RNF214: variants seen among roughly 807,000 people sequenced by gnomAD.
RNF214 encodes the protein ring finger protein 214.
In RNF214, 25 loss-of-function variants were observed where a neutral mutation model predicts 75.9. The observed-to-expected ratio is 0.33, with a 90% CI of 0.24 to 0.46. RNF214 has a LOEUF of 0.46. RNF214 is among the 20% of genes least tolerant of loss of function. The probability of loss-of-function intolerance (pLI) is 1.00; values close to 1 mark genes in which losing one functional copy is unlikely to be tolerated. For missense variants in RNF214, 725 were observed against 857.5 expected (o/e 0.85, Z 1.93); for synonymous variants, 314 against 308.8 (o/e 1.02, Z -0.18).
chr11:117,276,119 C>T (rs1206677045), intron 6 of RNF214, among the ~76,000 whole-genome samples: 1 of 152,060 alleles, frequency 6.6e-6, no homozygotes, highest in Non-Finnish European at 1.5e-5. Context: ...ACCACATAAA[C>T]CGAATTAAAA....
intron 6 of RNF214, among the ~76,000 whole-genome samples, chr11:117,264,693 T>C (rs1044892869): frequency 9.2e-5 from 14 of 152,186 alleles, no homozygotes; most frequent in Admixed American, 6.5e-4. Flanking sequence ...ATTTGTCTTA[T>C]ACTTACTTTT....
At chr11:117,251,370 G>T (rs1489344376) in intron 6 of RNF214, among the ~76,000 whole-genome samples, 4 of 142,888 alleles carry the variant, frequency 2.8e-5, no homozygotes, top group Admixed American at 6.8e-5. Context: ...GCGGCTGGCC[G>T]GGCGGGGGGC....
chr11:117,281,781 A>T (rs1338019468), intron 10 of RNF214, 83 bp downstream of exon 10: 2 of 1,507,862 alleles, frequency 1.3e-6, no homozygotes, highest in East Asian at 4.5e-5. Context: ...TTTTATGAAG[A>T]TATTGGGACC....
At chr11:117,257,873 A>C (rs2134386286) in intron 6 of RNF214, among the ~76,000 whole-genome samples, 1 of 152,296 alleles carries the variant, frequency 6.6e-6, no homozygotes, top group East Asian at 1.9e-4. Flanking sequence ...TCAGTAATCA[A>C]CTGGGATTTT....
At chr11:117,266,580 G>A (rs1046211633) in intron 6 of RNF214, among the ~76,000 whole-genome samples, 1 of 151,914 alleles carries the variant, frequency 6.6e-6, no homozygotes, top group Non-Finnish European at 1.5e-5. Context: ...GGCTGGTCTC[G>A]AATTCCTGGG....
intron 2 of RNF214, among the ~76,000 whole-genome samples, chr11:117,235,399 T>C (rs1198529249): frequency 6.6e-6 from 1 of 151,988 alleles, no homozygotes; most frequent in Non-Finnish European, 1.5e-5. Context: ...GGTTTCACTG[T>C]GTTAGCCAGG....
chr11:117,233,629 C>G (rs193253886), intron 1 of RNF214, among the ~76,000 whole-genome samples: 76 of 152,302 alleles, frequency 5.0e-4, no homozygotes, highest in African/African-American at 1.5e-3. Context: ...TTTACCTTGA[C>G]TTTTTCACGC....
rs565693313 is a variant in RNF214, at chr11:117,286,182, G to A, written c.*1031G>A. 1.3e-5 allele frequency: 2 copies of A among 152,580 alleles called. No individual in the cohort carries two copies. The highest frequency in any genetic ancestry group is 1.9e-4 in the East Asian group (1 of 5,202). The allele number at this position is 152,580 out of a possible 1,614,324, so 9.5% of individuals were successfully genotyped here. ...TTTTGAAGCAAGAAAGTTAGGGGGG[G>A]ACATATTTCCTGTCCTGGGAAAAAT... On this transcript the variant is annotated 3_prime_UTR_variant, in exon 15 of 15. Transcript: ENST00000300650.
intron 6 of RNF214, among the ~76,000 whole-genome samples, chr11:117,273,861 G>A (rs755268030): frequency 8.5e-5 from 13 of 152,224 alleles, no homozygotes; most frequent in South Asian, 2.1e-4. Context: ...ACCAACTGGC[G>A]TCAGTGGGGT....
At chr11:117,258,562 A>G (rs576515681) in intron 6 of RNF214, among the ~76,000 whole-genome samples, 4 of 152,284 alleles carry the variant, frequency 2.6e-5, no homozygotes, top group African/African-American at 9.6e-5. Flanking sequence ...TGGGTAATAA[A>G]ATGTATATGC....
chr11:117,283,958 C>G (rs2034187474), intron 14 of RNF214, among the ~76,000 whole-genome samples: 1 of 152,136 alleles, frequency 6.6e-6, no homozygotes. Context: ...CACCTGGTCT[C>G]TAATGTCTAA....
chr11:117,281,269 C>A, intron 8 of RNF214, 45 bp from the exon 9 acceptor site: 1 of 1,384,200 alleles, frequency 7.2e-7, no homozygotes, highest in Non-Finnish European at 1.0e-6. Flanking sequence ...CTGTTCCTAG[C>A]AGGGCTTTCT....
chr11:117,246,079 C>T (rs971446730), intron 5 of RNF214, among the ~76,000 whole-genome samples: 1 of 152,110 alleles, frequency 6.6e-6, no homozygotes, highest in Admixed American at 6.6e-5. Flanking sequence ...TATCCTTCCA[C>T]CTCAGCCTCT....
chr11:117,234,160 T>C, intron 1 of RNF214, 107 bp from the exon 2 acceptor site: 1 of 804,298 alleles, frequency 1.2e-6, no homozygotes, highest in Non-Finnish European at 2.1e-6. Flanking sequence ...GGTTTTTGTG[T>C]TTCTTTACTG....
chr11:117,259,578 G>C (rs1228511107), intron 6 of RNF214, among the ~76,000 whole-genome samples: 3 of 152,164 alleles, frequency 2.0e-5, no homozygotes, highest in African/African-American at 7.2e-5. Flanking sequence ...TGCTATTCAA[G>C]GGCTTGCATA....
intron 6 of RNF214, among the ~76,000 whole-genome samples, chr11:117,260,996 C>T (rs1246371563): frequency 6.6e-6 from 1 of 151,060 alleles, no homozygotes; most frequent in Non-Finnish European, 1.5e-5. Flanking sequence ...TGAGTACACA[C>T]AGTTTTATCT....
At chr11:117,253,674 T>G (rs952444633) in intron 6 of RNF214, among the ~76,000 whole-genome samples, 2 of 151,876 alleles carry the variant, frequency 1.3e-5, no homozygotes, top group African/African-American at 4.8e-5. Context: ...AGACCTTATC[T>G]CTATAAAAAA....
intron 2 of RNF214, among the ~76,000 whole-genome samples, chr11:117,236,213 G>A (rs1211994282): frequency 6.6e-6 from 1 of 151,676 alleles, no homozygotes; most frequent in Non-Finnish European, 1.5e-5. Flanking sequence ...TGTCCGTCTT[G>A]GCCTCCCAAA....
chr11:117,246,768 T>C (rs759412894), intron 5 of RNF214, 41 bp from the exon 6 acceptor site: 1 of 1,477,872 alleles, frequency 6.8e-7, no homozygotes, highest in Non-Finnish European at 9.0e-7. Flanking sequence ...TAACTTATTT[T>C]CTTTTTTATT....
Sources: allele counts gnomAD v4.1 joint callset (sites outside exome capture counted in the v4.1 genomes callset), GRCh38; gene constraint gnomAD v4.1.1; transcripts MANE v1.5; gene names NCBI Gene and HGNC (gene_info 2026-07-23, HGNC 2026-07-21).